The following ANO2 variants were observed in gnomAD, a reference collection of about 807,000 sequenced individuals.
The protein encoded by ANO2 is anoctamin-2.
In ANO2, 101 loss-of-function variants were observed where a neutral mutation model predicts 124.2. That is an observed-to-expected ratio of 0.81 (90% CI 0.69 to 0.96). The LOEUF (loss-of-function observed/expected upper bound fraction) is 0.96, where lower values mean the gene tolerates loss of function less well. Ranked by LOEUF, ANO2 falls within the 40% of genes least tolerant of loss-of-function variation. The pLI is 0.00. For missense variants in ANO2, 1,293 were observed against 1,274.5 expected, an observed-to-expected ratio of 1.01 and a Z score of -0.22; for synonymous variants, 486 against 482.5, an observed-to-expected ratio of 1.01 and a Z score of -0.09.
intron 10 of ANO2, among the ~76,000 whole-genome samples, chr12:5,758,057 TG>T (rs1325425731): frequency 2.0e-5 from 3 of 152,144 alleles, no homozygotes; most frequent in African/African-American, 7.2e-5. Flanking sequence ...ATGCACTTCC[TG>T]GAATCTTCTC....
chr12:5,927,282 A>T (rs888641038), intron 1 of ANO2, among the ~76,000 whole-genome samples: 33 of 152,212 alleles, frequency 2.2e-4, no homozygotes, highest in Non-Finnish European at 2.9e-5. Flanking sequence ...GTTTCATATC[A>T]GTGGCCTCAG....
intron 4 of ANO2, among the ~76,000 whole-genome samples, chr12:5,848,791 C>A (rs1332347290): frequency 6.6e-6 from 1 of 152,194 alleles, no homozygotes; most frequent in African/African-American, 2.4e-5. Context: ...AGGGACTGGG[C>A]CTGCTTCCCC....
At chr12:5,789,082 G>A (rs756662474) in intron 10 of ANO2, among the ~76,000 whole-genome samples, 5 of 152,176 alleles carry the variant, frequency 3.3e-5, no homozygotes, top group Admixed American at 6.5e-5. Context: ...GTGATCTCAC[G>A]GGACTGGACA....
At chr12:5,580,083 C>T (rs1942655668) in intron 20 of ANO2, among the ~76,000 whole-genome samples, 1 of 152,128 alleles carries the variant, frequency 6.6e-6, no homozygotes, top group South Asian at 2.1e-4. Context: ...GGAAACACAA[C>T]CCAGAGTCCA....
chr12:5,657,793 C>T (rs1407522696), intron 14 of ANO2, among the ~76,000 whole-genome samples: 5 of 149,514 alleles, frequency 3.3e-5, no homozygotes, highest in African/African-American at 1.2e-4. Context: ...ATCTGGCAGC[C>T]AATGCTATAA....
chr12:5,779,684 A>G (rs910765177), intron 10 of ANO2, among the ~76,000 whole-genome samples: 6 of 152,212 alleles, frequency 3.9e-5, no homozygotes, highest in Non-Finnish European at 8.8e-5. Context: ...AAAGAGACAT[A>G]GCAACGGCAC....
chr12:5,831,649 T>C (rs1954157491), intron 5 of ANO2, among the ~76,000 whole-genome samples: 1 of 152,202 alleles, frequency 6.6e-6, no homozygotes, highest in African/African-American at 2.4e-5. Flanking sequence ...AGCATATTCA[T>C]GTGTGTAGGA....
intron 3 of ANO2, among the ~76,000 whole-genome samples, chr12:5,888,115 G>A (rs77832730): frequency 6.6e-6 from 1 of 152,066 alleles, no homozygotes; most frequent in Non-Finnish European, 1.5e-5. Context: ...TCTGACGTTC[G>A]GATGTGTTCG....
chr12:5,861,519 G>C (rs939153540), intron 3 of ANO2, among the ~76,000 whole-genome samples: 1 of 152,172 alleles, frequency 6.6e-6, no homozygotes, highest in African/African-American at 2.4e-5. Context: ...TAGTGAGCGG[G>C]AGGCAGCCCC....
At chr12:5,867,783 A>G (rs867095088) in intron 3 of ANO2, among the ~76,000 whole-genome samples, 6 of 144,338 alleles carry the variant, frequency 4.2e-5, no homozygotes, top group Non-Finnish European at 7.8e-5. Context: ...ATAATGAAAA[A>G]AAAAAAAAAA....
intron 1 of ANO2, among the ~76,000 whole-genome samples, chr12:5,934,482 A>C (rs1255225063): frequency 6.6e-6 from 1 of 152,246 alleles, no homozygotes; most frequent in Non-Finnish European, 1.5e-5. Context: ...AATGTAATCG[A>C]ATGAGAAATT....
intron 11 of ANO2, among the ~76,000 whole-genome samples, chr12:5,748,853 T>G (rs1282164871): frequency 1.6e-5 from 2 of 127,512 alleles, no homozygotes; most frequent in East Asian, 4.8e-4. Flanking sequence ...TCCCCCTTCC[T>G]TTTTCCCTTC....
At chr12:5,639,247 A>G (rs2136943946) in intron 15 of ANO2, among the ~76,000 whole-genome samples, 2 of 152,320 alleles carry the variant, frequency 1.3e-5, no homozygotes, top group Middle Eastern at 3.4e-3. Context: ...TCAAGTATAA[A>G]AATACAGGCA....
chr12:5,574,431 T>TA (rs1466778938), intron 23 of ANO2, among the ~76,000 whole-genome samples: 1 of 152,108 alleles, frequency 6.6e-6, no homozygotes, highest in Admixed American at 6.5e-5. Context: ...AACATCGTTT[T>TA]AAATGTAACA....
chr12:5,726,212 T>A (rs1950432423), intron 14 of ANO2, among the ~76,000 whole-genome samples: 1 of 152,166 alleles, frequency 6.6e-6, no homozygotes, highest in Non-Finnish European at 1.5e-5. Context: ...ACACAATCTA[T>A]ACCTATATTT....
chr12:5,647,946 T>A, intron 14 of ANO2, 145 bp from the exon 15 acceptor site: 1 of 660,842 alleles, frequency 1.5e-6, no homozygotes, highest in Non-Finnish European at 2.6e-6. Context: ...ACTCTCCATA[T>A]CAACAACTGC....
At chr12:5,672,374 G>A (rs1948052597) in intron 14 of ANO2, among the ~76,000 whole-genome samples, 2 of 152,228 alleles carry the variant, frequency 1.3e-5, no homozygotes, top group African/African-American at 4.8e-5. Flanking sequence ...CATGTCTCAT[G>A]GAGCCGGGGA....
rs757292165 is a variant in ANO2 at position 5,599,481 on chromosome 12, C to G, written c.2233+3G>C. The G allele has an allele frequency of 8.6e-5, 138 of 1,601,822 alleles. No homozygotes were observed. Among genetic ancestry groups the G allele is most frequent in the Non-Finnish European group, 1.1e-4 (127 of 1,176,778 alleles). On this transcript the variant is annotated splice_donor_region_variant and intron_variant, in intron 20 of 24. Transcript: ENST00000682330. ...AGTGGAAGGCAGGACCATGGGTTCT[C>G]ACTCATTTCCATGTACTCCGGAGTC...
chr12:5,649,325 A>C (rs402590), intron 14 of ANO2, among the ~76,000 whole-genome samples: 21,231 of 152,178 alleles, frequency 0.14, 1,626 homozygotes, highest in African/African-American at 0.21. Context: ...AGATTATGTA[A>C]ACAAGCAATA....
Sources: gnomAD v4.1 joint callset for allele counts (sites outside exome capture counted in the v4.1 genomes callset) on GRCh38, gnomAD v4.1.1 for gene constraint, MANE v1.5 for transcripts, NCBI Gene and HGNC (gene_info 2026-07-23, HGNC 2026-07-21) for gene names.